MTIF2: variants seen among roughly 807,000 people sequenced by gnomAD.
The protein encoded by MTIF2 is translation initiation factor IF-2, mitochondrial.
Under a neutral mutation model 83.5 loss-of-function variants are expected in MTIF2, and 71 were observed. The ratio of observed to expected loss-of-function variants is 0.85; its 90% CI spans 0.70 to 1.04. MTIF2 has a LOEUF of 1.04. Among genes scored for constraint, MTIF2 ranks in the 50% least tolerant of loss-of-function variants. The pLI, the probability that MTIF2 is intolerant of heterozygous loss-of-function variation, is 0.00. For missense variants in MTIF2, 957 were observed against 846.5 expected (o/e 1.13, Z -1.62); for synonymous variants, 319 against 287.1 (o/e 1.11, Z -1.12).
chr2:55,262,464 GA>G (rs1162158965), intron 4 of MTIF2, 37 bp from the exon 5 acceptor site: 4 of 1,304,932 alleles, frequency 3.1e-6, no homozygotes, highest in Non-Finnish European at 4.3e-6. Context: ...CAAAAAGGAA[GA>G]AAAAACTTAA....
chr2:55,267,074 T>C (rs1410249484), intron 3 of MTIF2, among the ~76,000 whole-genome samples: 3 of 143,272 alleles, frequency 2.1e-5, no homozygotes, highest in Non-Finnish European at 3.1e-5. Context: ...CTAGCCTAAA[T>C]GTTACATTTC....
At chr2:55,264,649 A>T (rs960291426) in intron 3 of MTIF2, among the ~76,000 whole-genome samples, 4 of 151,988 alleles carry the variant, frequency 2.6e-5, no homozygotes, top group Admixed American at 2.6e-4. Flanking sequence ...CTTTGCACAC[A>T]CTTCCTCTAG....
chr2:55,237,521 T>G (rs1675942970), intron 14 of MTIF2, 93 bp from the exon 15 acceptor site: 1 of 1,265,208 alleles, frequency 7.9e-7, no homozygotes. Flanking sequence ...ATTAAAGGTA[T>G]GACAAAAATC....
chr2:55,246,981 A>C (rs1676746448), intron 9 of MTIF2, among the ~76,000 whole-genome samples: 1 of 152,160 alleles, frequency 6.6e-6, no homozygotes, highest in Non-Finnish European at 1.5e-5. Flanking sequence ...AAAAGCACTA[A>C]CTAGAGATCT....
At chr2:55,265,684 A>C (rs2104481509) in intron 3 of MTIF2, among the ~76,000 whole-genome samples, 1 of 152,086 alleles carries the variant, frequency 6.6e-6, no homozygotes, top group South Asian at 2.1e-4. Flanking sequence ...TTGTGCTTTT[A>C]TCTATTTTAC....
At position 55,243,065 on chromosome 2, in the gene MTIF2, G is replaced by C; in HGVS notation, c.1580C>G (p.Ser527Cys). The C allele has an allele frequency of 1.2e-6, 2 of 1,604,386 alleles. No individual in the cohort carries two copies. Among genetic ancestry groups the C allele is most frequent in the Non-Finnish European group, 8.5e-7 (1 of 1,177,218 alleles). The change falls in exon 13 of 16, where the codon TCT (serine) becomes TGT (cysteine). Residue 527 changes from serine to cysteine, a missense_variant. Transcript: ENST00000263629. ...SVIIKGDVDG[S>C]VEAILNIIDT... ...TATAATGTTCAAAATGGCCTCAACA[G>C]AACCATCAACATCACCTAAATACAG...
intron 5 of MTIF2, among the ~76,000 whole-genome samples, chr2:55,259,753 G>A (rs951946500): frequency 1.2e-4 from 18 of 152,214 alleles, no homozygotes; most frequent in South Asian, 2.1e-4. Flanking sequence ...AGACCAGCCC[G>A]GCCCACATAG....
At position 55,269,196 on chromosome 2, in the gene MTIF2, G is replaced by T. The variant is rs1201825446; in HGVS notation, c.-264C>A. 1 of 152,346 alleles carries T rather than the reference G, an allele frequency of 6.6e-6. No individual in the cohort carries two copies. The highest frequency in any genetic ancestry group is 2.4e-5 in the African/African-American group (1 of 41,454). 9.4% of individuals were successfully genotyped at this position (152,346 alleles called of 1,614,324 possible). On this transcript the variant is annotated 5_prime_UTR_variant, in exon 1 of 16. Transcript: ENST00000263629. ...ACAGCCCCGGGCCCCTGGATTCTGA[G>T]CACGGGCGGAGATCACCTTCTGGAC...
rs770359991 is a variant in MTIF2 at position 55,237,324 on chromosome 2, ATTTT to A, written c.1971_1974del (p.Lys657AsnfsTer4). On this transcript the variant is annotated frameshift_variant, in exon 15 of 16. Coordinates refer to ENST00000263629, the MANE Select transcript of MTIF2 (RefSeq NM_002453.3). LOFTEE classifies it high-confidence loss of function. Reference sequence around the variant, plus strand: ...ACATGTCCATTACGGGTTAGTTTAAATTTTTTTTGTTTTTCTAACTGTCCCTTTT... The same window carrying A: ...ACATGTCCATTACGGGTTAGTTTAAATTTTGTTTTTCTAACTGTCCCTTTT... 3 of 1,612,024 alleles carry A rather than the reference ATTTT, an allele frequency of 1.9e-6. No individual in the cohort carries two copies. The highest frequency in any genetic ancestry group is 4.5e-5 in the East Asian group (2 of 44,840).
chr2:55,243,951 A>G, intron 11 of MTIF2, 78 bp downstream of exon 11: 1 of 1,199,912 alleles, frequency 8.3e-7, no homozygotes, highest in Non-Finnish European at 1.2e-6. Context: ...ATTAATACAC[A>G]TATTTGGTAT....
At chr2:55,243,268 A>G in intron 12 of MTIF2, 148 bp downstream of exon 12, 2 of 1,055,676 alleles carry the variant, frequency 1.9e-6, no homozygotes, top group Non-Finnish European at 2.7e-6. Flanking sequence ...GTACATTTAC[A>G]ACAAAATCAG....
chr2:55,260,726 T>C (rs1333567109), intron 5 of MTIF2, among the ~76,000 whole-genome samples: 3 of 152,170 alleles, frequency 2.0e-5, no homozygotes, highest in African/African-American at 7.2e-5. Flanking sequence ...TACCTAACTT[T>C]AGGGCATTGT....
At chr2:55,239,712 ATCT>A (rs1676157255) in intron 14 of MTIF2, among the ~76,000 whole-genome samples, 1 of 152,166 alleles carries the variant, frequency 6.6e-6, no homozygotes, top group South Asian at 2.1e-4. Flanking sequence ...ACTGTTAATA[ATCT>A]TTATGCGTTC....
chr2:55,267,357 C>T (rs1043950910), intron 3 of MTIF2, among the ~76,000 whole-genome samples: 1 of 151,958 alleles, frequency 6.6e-6, no homozygotes, highest in Non-Finnish European at 1.5e-5. Flanking sequence ...CGGGGTTTCA[C>T]CGTGTTGGCC....
intron 9 of MTIF2, among the ~76,000 whole-genome samples, chr2:55,248,260 C>T (rs1023538772): frequency 5.3e-5 from 8 of 152,088 alleles, no homozygotes; most frequent in African/African-American, 1.7e-4. Context: ...AGGGATAGTG[C>T]AGAAGATAAC....
At position 55,240,021 on chromosome 2, in the gene MTIF2, C is replaced by G; in HGVS notation, c.1860G>C (p.Glu620Asp). 6.2e-7 allele frequency: 1 copy of G among 1,609,050 alleles called. No individual in the cohort carries two copies. Among genetic ancestry groups the G allele is most frequent in the Non-Finnish European group, 8.5e-7 (1 of 1,177,200 alleles). Reference protein sequence around the residue: ...LSSRLPCAVEEHPVGEASILA... With the variant: ...LSSRLPCAVEDHPVGEASILA... ...TCAGTGATCACTCACCTACTGGGTG[C>G]TCTTCCACAGCACAGGGTAATCTGC... is the stretch of plus-strand genomic sequence containing the variant. The change falls in exon 14 of 16, where the codon GAG (glutamate) becomes GAC (aspartate). Residue 620 changes from glutamate to aspartate, a missense_variant. Transcript: ENST00000263629.
chr2:55,255,991 C>G (rs1226736457), intron 5 of MTIF2, among the ~76,000 whole-genome samples: 1 of 151,996 alleles, frequency 6.6e-6, no homozygotes, highest in African/African-American at 2.4e-5. Context: ...ATTCTTCTGC[C>G]TCAGCCCCCT....
rs191704071 is a variant in MTIF2, at chr2:55,250,262, C to A, written c.842-728G>T. ...AAGGAAGTTTCAAATTCTGTGAATG[C>A]TGTTTTATTTATGTTTGGTTGAAAA... On this transcript the variant is annotated intron_variant, in intron 8 of 15. Coordinates refer to ENST00000263629, the MANE Select transcript of MTIF2 (RefSeq NM_002453.3). Among the ~76,000 whole-genome samples the A allele has an allele frequency of 8.6e-4, 131 of 152,150 alleles. 1 individual carries two copies. Among genetic ancestry groups the A allele is most frequent in the Non-Finnish European group, 3.2e-4 (22 of 68,000 alleles).
chr2:55,241,419 A>G (rs1199491495), intron 13 of MTIF2, among the ~76,000 whole-genome samples: 1 of 149,174 alleles, frequency 6.7e-6, no homozygotes, highest in African/African-American at 2.4e-5. Flanking sequence ...CTCTGTCTCA[A>G]AAAAAAAAAA....
Sources: gnomAD v4.1 joint callset for allele counts (sites outside exome capture counted in the v4.1 genomes callset) on GRCh38, gnomAD v4.1.1 for gene constraint, MANE v1.5 for transcripts, NCBI Gene and HGNC (gene_info 2026-07-23, HGNC 2026-07-21) for gene names.